The following GRIN2B variants were observed in gnomAD, a reference collection of about 807,000 sequenced individuals.
The protein encoded by GRIN2B is glutamate ionotropic receptor NMDA type subunit 2B.
In GRIN2B, 5 loss-of-function variants were observed where a neutral mutation model predicts 114.5. That is an observed-to-expected ratio of 0.04 (90% CI 0.02 to 0.09). The LOEUF is 0.09. Among genes scored for constraint, GRIN2B ranks in the 10% least tolerant of loss-of-function variants. The pLI is 1.00. For synonymous variants in GRIN2B, 787 were observed against 745.1 expected (o/e 1.06, Z -0.92); for missense variants, 1,108 against 1,943.5 (o/e 0.57, Z 8.08).
chr12:13,574,403 C>T (rs1024937989), intron 10 of GRIN2B, among the ~76,000 whole-genome samples: 1 of 152,136 alleles, frequency 6.6e-6, no homozygotes. Context: ...CAGTAATTCC[C>T]CACAATACTA....
intron 2 of GRIN2B, among the ~76,000 whole-genome samples, chr12:13,875,036 T>C (rs1016764124): frequency 1.3e-5 from 2 of 152,096 alleles, no homozygotes; most frequent in African/African-American, 4.8e-5. Context: ...AAGCCCAGCA[T>C]CCATTAGCTA....
At chr12:13,723,046 C>G (rs1402873988) in intron 4 of GRIN2B, among the ~76,000 whole-genome samples, 1 of 152,032 alleles carries the variant, frequency 6.6e-6, no homozygotes, top group Non-Finnish European at 1.5e-5. Flanking sequence ...AAGCAGGACA[C>G]TAGTGAAGGA....
chr12:13,889,406 A>G (rs1165254562), intron 2 of GRIN2B, among the ~76,000 whole-genome samples: 1 of 152,248 alleles, frequency 6.6e-6, no homozygotes, highest in Non-Finnish European at 1.5e-5. Context: ...ATGCTTTTAT[A>G]TCTGAGTCTA....
At chr12:13,772,539 C>G (rs1444602473) in intron 3 of GRIN2B, among the ~76,000 whole-genome samples, 1 of 152,162 alleles carries the variant, frequency 6.6e-6, no homozygotes, top group Non-Finnish European at 1.5e-5. Flanking sequence ...GCTGAAGTAT[C>G]AATTTAATAT....
chr12:13,651,488 T>C (rs1949812275), intron 5 of GRIN2B, among the ~76,000 whole-genome samples: 1 of 152,140 alleles, frequency 6.6e-6, no homozygotes, highest in African/African-American at 2.4e-5. Flanking sequence ...CCACTACCTT[T>C]ATATTCAGCA....
At chr12:13,876,327 T>C (rs1223268822) in intron 2 of GRIN2B, among the ~76,000 whole-genome samples, 1 of 152,194 alleles carries the variant, frequency 6.6e-6, no homozygotes, top group East Asian at 1.9e-4. Flanking sequence ...CTTGAAAGCA[T>C]CTAGCACAAT....
rs986627975 is a variant in GRIN2B, at chr12:13,803,871, G to A, written c.412-49956C>T. Among the ~76,000 whole-genome samples, 3 of 152,256 alleles carry A rather than the reference G, an allele frequency of 2.0e-5. No homozygotes were observed. The South Asian group carries it at 6.2e-4, about 32-fold the overall frequency. ...TGATGTAGCGAGTCAACCCAGTTGG[G>A]CATTTGCCTTTCTGCCTGTGAGCCT... On this transcript the variant is annotated intron_variant, in intron 3 of 13. Transcript: ENST00000609686.
chr12:13,915,797 C>G (rs1021324795), intron 2 of GRIN2B, among the ~76,000 whole-genome samples: 3 of 152,104 alleles, frequency 2.0e-5, no homozygotes, highest in Non-Finnish European at 2.9e-5. Context: ...TCTGAAACTT[C>G]CAAGCACCTG....
chr12:13,759,232 A>G (rs373268114), intron 3 of GRIN2B, among the ~76,000 whole-genome samples: 11 of 151,822 alleles, frequency 7.2e-5, no homozygotes, highest in African/African-American at 2.7e-4. Flanking sequence ...GATGGTCTCC[A>G]TCTCCTGACA....
chr12:13,616,120 A>G (rs1427532022), intron 6 of GRIN2B, among the ~76,000 whole-genome samples: 1 of 152,218 alleles, frequency 6.6e-6, no homozygotes, highest in East Asian at 1.9e-4. Context: ...ATGGTTCTAA[A>G]TCTCAAGATT....
intron 2 of GRIN2B, among the ~76,000 whole-genome samples, chr12:13,946,763 A>G (rs959360341): frequency 3.3e-5 from 5 of 152,212 alleles, no homozygotes; most frequent in African/African-American, 1.2e-4. Context: ...ATTTTACCAC[A>G]GTTTAAAATA....
At chr12:13,770,766 G>A (rs1863892767) in intron 3 of GRIN2B, among the ~76,000 whole-genome samples, 2 of 152,168 alleles carry the variant, frequency 1.3e-5, no homozygotes, top group African/African-American at 4.8e-5. Flanking sequence ...GAAGCTGGAA[G>A]CCATCATCCT....
At chr12:13,783,991 A>G (rs1486922637) in intron 3 of GRIN2B, among the ~76,000 whole-genome samples, 1 of 152,126 alleles carries the variant, frequency 6.6e-6, no homozygotes, top group Non-Finnish European at 1.5e-5. Flanking sequence ...TGGGAGGCCA[A>G]GGCGGGTGGA....
At chr12:13,758,998 A>AGTTTTTTTTTTTTTTTTTTTTT (rs771891565) in intron 3 of GRIN2B, among the ~76,000 whole-genome samples, 2 of 85,600 alleles carry the variant, frequency 2.3e-5, no homozygotes, top group African/African-American at 4.9e-5. Flanking sequence ...ATCTAGTTCA[A>AGTTTTTTTTTTTTTTTTTTTTT]TTTTTTTTTT....
chr12:13,721,725 T>C (rs930251127), intron 4 of GRIN2B, among the ~76,000 whole-genome samples: 1 of 152,010 alleles, frequency 6.6e-6, no homozygotes, highest in East Asian at 1.9e-4. Flanking sequence ...GTTGTAGATG[T>C]GTACCTGAGA....
intron 3 of GRIN2B, among the ~76,000 whole-genome samples, chr12:13,795,129 A>C (rs1864394796): frequency 6.6e-6 from 1 of 152,222 alleles, no homozygotes; most frequent in Non-Finnish European, 1.5e-5. Flanking sequence ...AGAACCAAAC[A>C]AGAAAAGTTT....
intron 3 of GRIN2B, among the ~76,000 whole-genome samples, chr12:13,818,460 G>C (rs1864870918): frequency 6.6e-6 from 1 of 152,226 alleles, no homozygotes; most frequent in Non-Finnish European, 1.5e-5. Context: ...TTATTTTTAA[G>C]AAGGGGTGTT....
At chr12:13,568,240 A>C (rs993997449) in intron 12 of GRIN2B, among the ~76,000 whole-genome samples, 1 of 152,154 alleles carries the variant, frequency 6.6e-6, no homozygotes, top group African/African-American at 2.4e-5. Context: ...TCCCAGACAA[A>C]AGGAAAGTAA....
At chr12:13,829,152 C>A (rs760365475) in intron 3 of GRIN2B, among the ~76,000 whole-genome samples, 2 of 152,174 alleles carry the variant, frequency 1.3e-5, no homozygotes, top group Non-Finnish European at 2.9e-5. Context: ...AATGGCTTCA[C>A]TGAACACACA....
Sources: allele counts gnomAD v4.1 joint callset (sites outside exome capture counted in the v4.1 genomes callset), GRCh38; gene constraint gnomAD v4.1.1; transcripts MANE v1.5; gene names NCBI Gene and HGNC (gene_info 2026-07-23, HGNC 2026-07-21).